ALKBH3: variants seen among roughly 807,000 people sequenced by gnomAD.
The protein encoded by ALKBH3 is alkB homolog 3, alpha-ketoglutarate dependent dioxygenase, also known as alpha-ketoglutarate-dependent dioxygenase alkB homolog 3.
In ALKBH3, 51 loss-of-function variants were observed where a neutral mutation model predicts 43.9. The observed-to-expected ratio is 1.16, with a 90% CI of 0.93 to 1.47. The LOEUF (loss-of-function observed/expected upper bound fraction) is 1.47. Among genes scored for constraint, ALKBH3 ranks in the 40% most tolerant of loss-of-function variants. The pLI, the probability that ALKBH3 is intolerant of heterozygous loss-of-function variation, is 0.00. For missense variants in ALKBH3, 361 were observed against 351.9 expected, an observed-to-expected ratio of 1.03 and a Z score of -0.21; for synonymous variants, 102 against 115.2, an observed-to-expected ratio of 0.89 and a Z score of 0.73.
chr11:43,919,602 C>T (rs1359753434), intron 9 of ALKBH3: 1 of 322,698 alleles, frequency 3.1e-6, no homozygotes, highest in African/African-American at 2.1e-5. Flanking sequence ...AATGGAATCT[C>T]ATGCCTCTCT....
chr11:43,892,040 G>T lies in ALKBH3; in HGVS notation c.371-1G>T. 1 of 1,609,704 alleles carries T rather than the reference G, an allele frequency of 6.2e-7. No individual in the cohort carries two copies. Among genetic ancestry groups the T allele is most frequent in the Non-Finnish European group, 8.5e-7 (1 of 1,176,158 alleles). On this transcript the variant is annotated splice_acceptor_variant, in intron 6 of 9. Transcript: ENST00000302708. LOFTEE classifies it high-confidence loss of function. ...TCAAAGGCCTGTATTTTCTTTCTTAGATATAACTTATCAGCAACCAAGACT... is the reference window on the plus strand; with the variant it reads ...TCAAAGGCCTGTATTTTCTTTCTTATATATAACTTATCAGCAACCAAGACT...
Position 43,903,338 on chromosome 11 carries a change from A to G in ALKBH3, c.669+1613A>G, listed in dbSNP as rs567069208. Among the ~76,000 whole-genome samples, 5 of 152,334 alleles carry G rather than the reference A, an allele frequency of 3.3e-5. No homozygotes were observed. In the East Asian group the frequency reaches 9.7e-4, roughly 29 times the overall value. ...ACAGCTTTCACTCAGTTAAATACCA[A>G]GTTCACATGTGTGAAAAATTCATCC... On this transcript the variant is annotated intron_variant, in intron 8 of 9. Transcript: ENST00000302708.
intron 5 of ALKBH3, among the ~76,000 whole-genome samples, chr11:43,889,374 T>G (rs1951767919): frequency 6.6e-6 from 1 of 152,226 alleles, no homozygotes; most frequent in South Asian, 2.1e-4. Context: ...TGATGTCATC[T>G]CAGGTTACAG....
chr11:43,894,941 G>A (rs1452367604), intron 7 of ALKBH3, among the ~76,000 whole-genome samples: 6 of 152,166 alleles, frequency 3.9e-5, no homozygotes, highest in Non-Finnish European at 8.8e-5. Context: ...GAGGCTTCTT[G>A]AGTCTCCCCA....
rs1394307181 is a variant in ALKBH3, at chr11:43,901,739, T to C, written c.669+14T>C. On this transcript the variant is annotated intron_variant, in intron 8 of 9. Transcript: ENST00000302708. ...AAGCCACCACCAGTGAGTATTCTCT[T>C]TTTCTTATGCTCTTCCTGCCTCTTA... is the stretch of plus-strand genomic sequence containing the variant. The C allele has an allele frequency of 6.2e-7, 1 of 1,613,134 alleles. No homozygotes were observed. The highest frequency in any genetic ancestry group is 1.7e-5 in the Admixed American group (1 of 60,034).
rs139437512 is a variant in ALKBH3 at position 43,887,212 on chromosome 11, A to G, written c.266+559A>G. On this transcript the variant is annotated intron_variant, in intron 5 of 9. Coordinates refer to ENST00000302708, the MANE Select transcript of ALKBH3 (RefSeq NM_139178.4). ...CTTTTTATTAGTATTTCTAGCATCA[A>G]AATATTTTCAGGTATAGTTCCTAAC... 3.8e-3 allele frequency among the ~76,000 whole-genome samples: 572 copies of G among 152,322 alleles called. 5 individuals carry two copies. Among genetic ancestry groups the G allele is most frequent in the African/African-American group, 0.013 (533 of 41,554 alleles).
At chr11:43,912,891 C>T (rs1297269225) in intron 8 of ALKBH3, among the ~76,000 whole-genome samples, 1 of 151,114 alleles carries the variant, frequency 6.6e-6, no homozygotes, top group African/African-American at 2.4e-5. Context: ...GGATGGATGG[C>T]CTCTCCCAGC....
intron 8 of ALKBH3, among the ~76,000 whole-genome samples, chr11:43,914,768 A>G (rs1357045594): frequency 1.3e-5 from 2 of 152,234 alleles, no homozygotes; most frequent in East Asian, 3.9e-4. Context: ...TGCAAAAAGT[A>G]TGACAAACAA....
At chr11:43,906,724 T>C (rs1468593230) in intron 8 of ALKBH3, among the ~76,000 whole-genome samples, 1 of 152,128 alleles carries the variant, frequency 6.6e-6, no homozygotes, top group Non-Finnish European at 1.5e-5. Context: ...AAATAATAAG[T>C]AATAAAAAGA....
rs1130290 is a variant in ALKBH3, at chr11:43,919,052, C to G, written c.684C>G (p.Asp228Glu). 0.23 allele frequency: 370,563 copies of G among 1,605,538 alleles called. 46,045 individuals carry two copies. Among genetic ancestry groups the G allele is most frequent in the Non-Finnish European group, 0.26 (304,440 of 1,172,188 alleles). The change falls in exon 9 of 10, where the codon GAC becomes GAG. Residue 228 changes from aspartate (D) to glutamate (E), a missense_variant. Asp to Glu is a conservative substitution (Grantham distance 45, BLOSUM62 2). Coordinates refer to ENST00000302708, the MANE Select transcript of ALKBH3 (RefSeq NM_139178.4). ...CTGTTTTCTAGGAAGAGAATGGAGACTACACATATGTGGAAAGAGTGAAGA... is the reference window on the plus strand; with the variant it reads ...CTGTTTTCTAGGAAGAGAATGGAGAGTACACATATGTGGAAAGAGTGAAGA... ...RKKPPPEENG[D>E]YTYVERVKIP...
chr11:43,889,457 G>A (rs573045034), intron 5 of ALKBH3, among the ~76,000 whole-genome samples: 4 of 152,308 alleles, frequency 2.6e-5, no homozygotes, highest in Admixed American at 6.5e-5. Flanking sequence ...CTGAAATACT[G>A]TTTGAATTAT....
At chr11:43,905,693 C>T (rs1951891450) in intron 8 of ALKBH3, among the ~76,000 whole-genome samples, 1 of 152,130 alleles carries the variant, frequency 6.6e-6, no homozygotes, top group Admixed American at 6.5e-5. Context: ...TGTCATAAAG[C>T]TTATCAAATA....
chr11:43,895,078 A>G (rs535093120), intron 7 of ALKBH3, among the ~76,000 whole-genome samples: 40 of 152,356 alleles, frequency 2.6e-4, no homozygotes, highest in Admixed American at 1.5e-3. Flanking sequence ...TTTTCACATC[A>G]GAGTAAAGCT....
intron 8 of ALKBH3, among the ~76,000 whole-genome samples, chr11:43,907,498 T>C (rs561426359): frequency 1.3e-5 from 2 of 152,348 alleles, no homozygotes; most frequent in South Asian, 4.1e-4. Context: ...TTTCTGTGTG[T>C]ACCATGATTT....
At chr11:43,914,671 G>A (rs1951968316) in intron 8 of ALKBH3, among the ~76,000 whole-genome samples, 1 of 152,198 alleles carries the variant, frequency 6.6e-6, no homozygotes, top group African/African-American at 2.4e-5. Context: ...AGAAAGGTCA[G>A]TAGAGTTGAC....
At chr11:43,912,791 C>T (rs906752178) in intron 8 of ALKBH3, among the ~76,000 whole-genome samples, 10 of 151,668 alleles carry the variant, frequency 6.6e-5, no homozygotes, top group African/African-American at 2.4e-4. Context: ...GTTTCAGATA[C>T]AAAAAAAATT....
chr11:43,888,893 G>A (rs1217979083), intron 5 of ALKBH3, among the ~76,000 whole-genome samples: 2 of 152,182 alleles, frequency 1.3e-5, no homozygotes, highest in Non-Finnish European at 2.9e-5. Flanking sequence ...ATATTCAGTG[G>A]GAGAAAGAAC....
chr11:43,902,656 G>A (rs768862336), intron 8 of ALKBH3, among the ~76,000 whole-genome samples: 30 of 152,234 alleles, frequency 2.0e-4, no homozygotes, highest in Non-Finnish European at 3.7e-4. Context: ...AGTGCAAGTG[G>A]CACGATCTCG....
Position 43,886,540 on chromosome 11 carries a change from T to C in ALKBH3, c.219-66T>C. 2.6e-6 allele frequency: 4 copies of C among 1,532,302 alleles called. No individual in the cohort carries two copies. In the South Asian group the frequency reaches 3.4e-5, roughly 13 times the overall value. 94.9% of individuals were successfully genotyped at this position (1,532,302 alleles called of 1,614,324 possible). A position where few individuals can be genotyped will look rare whatever the true frequency, so the allele number is the denominator to read the frequency against. On this transcript the variant is annotated intron_variant, in intron 4 of 9. Transcript: ENST00000302708. ...GACTTTGGCAGTTCAGAAGGATAAC[T>C]CTTCCACTGGGTATAGCATATTGTT... is the stretch of plus-strand genomic sequence containing the variant.
Sources: gnomAD v4.1 joint callset for allele counts (sites outside exome capture counted in the v4.1 genomes callset) on GRCh38, gnomAD v4.1.1 for gene constraint, MANE v1.5 for transcripts, NCBI Gene and HGNC (gene_info 2026-07-23, HGNC 2026-07-21) for gene names.